Variants in SBNO2 observed in about 807,000 individuals in gnomAD.
SBNO2 encodes the protein protein strawberry notch homolog 2.
Under a neutral mutation model 146.3 loss-of-function variants are expected in SBNO2, and 89 were observed. That is an observed-to-expected ratio of 0.61 (90% CI 0.51 to 0.73). The LOEUF is 0.73. Among genes scored for constraint, SBNO2 ranks in the 30% least tolerant of loss-of-function variants. The probability of loss-of-function intolerance (pLI) is 0.00; values close to 1 mark genes in which losing one functional copy is unlikely to be tolerated. For synonymous variants in SBNO2, 1,147 were observed against 892.6 expected, an observed-to-expected ratio of 1.29 and a Z score of -5.08; for missense variants, 2,092 against 2,003.7, an observed-to-expected ratio of 1.04 and a Z score of -0.84.
At chr19:1,170,232 C>G (rs1427754915) in intron 1 of SBNO2, among the ~76,000 whole-genome samples, 9 of 152,238 alleles carry the variant, frequency 5.9e-5, no homozygotes, top group African/African-American at 2.2e-4. Context: ...TGGCCAGAAC[C>G]CCAGGTTTGC....
chr19:1,139,544 CG>C (rs2080116209), intron 4 of SBNO2, among the ~76,000 whole-genome samples: 2 of 152,114 alleles, frequency 1.3e-5, no homozygotes, highest in South Asian at 4.1e-4. Flanking sequence ...CCTGTAATCC[CG>C]ACACTTTGGG....
Position 1,108,400 on chromosome 19 carries a change from G to C in SBNO2, c.3921C>G (p.Gly1307=). ...QADPAALAHQ[G]CDINFKEVLE... ...GCACCTCCTTGAAGTTGATGTCGCA[G>C]CCCTGGTGCGCGAGGGCCGCAGGGT... Residue 1307 remains glycine (G), a synonymous_variant, in exon 32 of 32, where the codon GGC becomes GGG. Transcript: ENST00000361757. The C allele has an allele frequency of 7.8e-7, 1 of 1,279,552 alleles. No homozygotes were observed. Among genetic ancestry groups the C allele is most frequent in the African/African-American group, 1.6e-5 (1 of 62,006 alleles). 79.3% of individuals were successfully genotyped at this position (1,279,552 alleles called of 1,614,324 possible).
chr19:1,145,304 C>CAAAA (rs34903065), intron 4 of SBNO2, among the ~76,000 whole-genome samples: 1 of 102,808 alleles, frequency 9.7e-6, no homozygotes, highest in Admixed American at 1.0e-4. Context: ...CTGTCTCTAC[C>CAAAA]AAAAAAAAAA....
rs778877664 is a variant in SBNO2 at position 1,122,462 on chromosome 19, C to T, written c.1005+6G>A. 1.8e-5 allele frequency: 29 copies of T among 1,568,670 alleles called. No individual in the cohort carries two copies. The highest frequency in any genetic ancestry group is 2.3e-5 in the Non-Finnish European group (27 of 1,158,986). The stretch of plus-strand genomic sequence containing the variant: ...TGCCCCCTACTTTGCCGAGCACAGC[C>T]CCTACCTTGCTGAGCGCGTGCACCG... On this transcript the variant is annotated splice_donor_region_variant and intron_variant, in intron 10 of 31. Coordinates refer to ENST00000361757, the MANE Select transcript of SBNO2 (RefSeq NM_014963.3).
In SBNO2 at chr19:1,110,038, C is replaced by T. The variant is rs1424784810; in HGVS notation, c.3029-261G>A. ...GGGGGCCGCTCAGGTCCTATGTAAC[C>T]CCGAGCAGGCTGTGGGGGATCGTGG... On this transcript the variant is annotated intron_variant, in intron 26 of 31. Coordinates refer to ENST00000361757, the MANE Select transcript of SBNO2 (RefSeq NM_014963.3). The surrounding 1 kb of genome is among the most constrained non-coding windows in gnomAD (Gnocchi z 4.9). Among the ~76,000 whole-genome samples the T allele has an allele frequency of 6.6e-6, 1 of 151,496 alleles. No homozygotes were observed. The highest frequency in any genetic ancestry group is 1.9e-4 in the East Asian group (1 of 5,162).
At chr19:1,128,238 C>T (rs764869288) in intron 4 of SBNO2, 1 of 496,580 alleles carries the variant, frequency 2.0e-6, no homozygotes, top group Non-Finnish European at 4.0e-6. Flanking sequence ...GGCAGCAATG[C>T]TGCAGGAACT....
rs368588586 is a variant in SBNO2, at chr19:1,110,728, C to A, written c.3028+17G>T. On this transcript the variant is annotated intron_variant, in intron 26 of 31. Coordinates refer to ENST00000361757, the MANE Select transcript of SBNO2 (RefSeq NM_014963.3). This position sits in a 1 kb window ranked among gnomAD's most constrained non-coding sequence, Gnocchi z 4.9. Reference sequence around the variant, plus strand: ...CACCCACACCCACCCACACCACACCCCGGCACCTGTGCTCACCCAGGATGC... The same window carrying A: ...CACCCACACCCACCCACACCACACCACGGCACCTGTGCTCACCCAGGATGC... The A allele has an allele frequency of 3.1e-6, 5 of 1,613,260 alleles. No homozygotes were observed. The highest frequency in any genetic ancestry group is 4.2e-6 in the Non-Finnish European group (5 of 1,179,654).
chr19:1,117,069 C>A, intron 15 of SBNO2, 143 bp from the exon 16 acceptor site: 1 of 838,214 alleles, frequency 1.2e-6, no homozygotes. Flanking sequence ...GGCCCCCCTA[C>A]AACACACACT....
chr19:1,152,618 G>A (rs540642204), intron 2 of SBNO2, among the ~76,000 whole-genome samples: 22 of 152,284 alleles, frequency 1.4e-4, no homozygotes, highest in African/African-American at 2.6e-4. Context: ...GGTCTGGGCC[G>A]CAACAGGGAC....
Position 1,108,931 on chromosome 19 carries a change from C to T in SBNO2, c.3464G>A (p.Cys1155Tyr), listed in dbSNP as rs867464852. The T allele has an allele frequency of 6.4e-7, 1 of 1,568,954 alleles. No homozygotes were observed. Among genetic ancestry groups the T allele is most frequent in the Non-Finnish European group, 8.6e-7 (1 of 1,164,928 alleles). ...HCRLAQEGKDCLQGLRLRHHY... is the reference protein window; with the variant it reads ...HCRLAQEGKDYLQGLRLRHHY... ...GTGCCGCAGCCGCAGCCCCTGCAGG[C>T]AGTCCTTACCCTCCTGCGCCAGCCG... The change falls in exon 31 of 32, where the codon TGC (cysteine) becomes TAC (tyrosine). Residue 1155 changes from cysteine to tyrosine, a missense_variant. Physicochemically the swap from Cys to Tyr is radical, Grantham distance 194 (BLOSUM62 -2). Transcript: ENST00000361757.
intron 4 of SBNO2, among the ~76,000 whole-genome samples, chr19:1,138,875 G>A (rs62131225): frequency 2.2e-5 from 3 of 137,212 alleles, no homozygotes; most frequent in Non-Finnish European, 3.1e-5. Context: ...CCCTCCATGC[G>A]TCCATCACGG....
Position 1,108,002 on chromosome 19 carries a change from C to G in SBNO2, c.*218G>C, listed in dbSNP as rs2079692101. 3 of 369,508 alleles carry G rather than the reference C, an allele frequency of 8.1e-6. No individual in the cohort carries two copies. The Admixed American group carries it at 1.5e-4, about 18-fold the overall frequency. 22.9% of individuals were successfully genotyped at this position (369,508 alleles called of 1,614,324 possible). A position where few individuals can be genotyped will look rare whatever the true frequency, so the allele number is the denominator to read the frequency against. On this transcript the variant is annotated 3_prime_UTR_variant, in exon 32 of 32. Transcript: ENST00000361757. ...GCCCCTTCCTACTTGGGAGGAGAGG[C>G]ACAGAGAGGGCCCTGCCACGCCCCG... is the stretch of plus-strand genomic sequence containing the variant.
intron 4 of SBNO2, among the ~76,000 whole-genome samples, chr19:1,145,962 G>T (rs567014263): frequency 7.9e-5 from 12 of 152,170 alleles, no homozygotes; most frequent in African/African-American, 2.6e-4. Context: ...CCAGGGCCCG[G>T]GAGTCTGAGG....
At chr19:1,159,897 C>G (rs1255722404) in intron 1 of SBNO2, among the ~76,000 whole-genome samples, 2 of 151,928 alleles carry the variant, frequency 1.3e-5, no homozygotes, top group African/African-American at 2.4e-5. Flanking sequence ...GACTTCGCCC[C>G]CCACAGAGCT....
In SBNO2 at chr19:1,112,212, C is replaced by T. The variant is rs767111147; in HGVS notation, c.2605G>A (p.Val869Met). The T allele has an allele frequency of 6.3e-6, 10 of 1,589,266 alleles. No individual in the cohort carries two copies. The highest frequency in any genetic ancestry group is 2.3e-5 in the East Asian group (1 of 43,870). Residue 869 changes from valine to methionine, a missense_variant, in exon 22 of 32, where the codon GTG becomes ATG. By Grantham distance (21) the Val-to-Met change is conservative. Transcript: ENST00000361757. The surrounding 1 kb of genome is among the most constrained non-coding windows in gnomAD (Gnocchi z 5.9). ...LAGERRFASIVAKRLESLGAL... is the reference protein window; with the variant it reads ...LAGERRFASIMAKRLESLGAL... ...ACCAGACTCTCCAGGCGCTTGGCCA[C>T]GATGGAGGCGAACCGGCGCTCCCCG...
intron 4 of SBNO2, among the ~76,000 whole-genome samples, chr19:1,146,171 C>T (rs777755462): frequency 2.0e-5 from 3 of 152,318 alleles, no homozygotes; most frequent in Non-Finnish European, 4.4e-5. Context: ...TTGATCCCTA[C>T]CCAATGACAT....
Position 1,147,442 on chromosome 19 carries a change from G to C in SBNO2, c.168-22C>G, listed in dbSNP as rs754405803. 15 of 1,125,860 alleles carry C rather than the reference G, an allele frequency of 1.3e-5. 1 individual carries two copies. In the Admixed American group the frequency reaches 3.1e-4, roughly 23 times the overall value. The allele number at this position is 1,125,860 out of a possible 1,614,324, so 69.7% of individuals were successfully genotyped here. A position where few individuals can be genotyped will look rare whatever the true frequency, so the allele number is the denominator to read the frequency against. On this transcript the variant is annotated intron_variant, in intron 3 of 31. Coordinates refer to ENST00000361757, the MANE Select transcript of SBNO2 (RefSeq NM_014963.3). ...CGGGCTGGAGGGAGATGGGGGGGGG[G>C]GAGGTGAGATGGGGTGCTCAACCCA...
Position 1,109,734 on chromosome 19 carries a change from C to T in SBNO2, c.3072G>A (p.Gln1024=), listed in dbSNP as rs2079731579. 2 of 1,606,358 alleles carry T rather than the reference C, an allele frequency of 1.2e-6. No individual in the cohort carries two copies. Among genetic ancestry groups the T allele is most frequent in the South Asian group, 1.1e-5 (1 of 90,518 alleles). ...GIEEIYEESQ[Q]VFLAPGHPQD... is the part of the protein sequence containing the mutation. ...GCGGGTGCCCGGGAGCCAGGAACACCTGCTGGCTCTCCTCGTAGATCTCCT... is the reference window on the plus strand; with the variant it reads ...GCGGGTGCCCGGGAGCCAGGAACACTTGCTGGCTCTCCTCGTAGATCTCCT... Residue 1024 remains glutamine (Q), a synonymous_variant, in exon 27 of 32, where the codon CAG becomes CAA. Coordinates refer to ENST00000361757, the MANE Select transcript of SBNO2 (RefSeq NM_014963.3). The surrounding 1 kb of genome is among the most constrained non-coding windows in gnomAD (Gnocchi z 4.2).
intron 1 of SBNO2, among the ~76,000 whole-genome samples, chr19:1,171,040 G>A (rs759117505): frequency 2.0e-5 from 3 of 151,318 alleles, no homozygotes; most frequent in Non-Finnish European, 1.5e-5. Context: ...ACACATAACC[G>A]ACTCATGAAC....
Sources: gnomAD v4.1 joint callset for allele counts (sites outside exome capture counted in the v4.1 genomes callset) on GRCh38, gnomAD v4.1.1 for gene constraint, Gnocchi (gnomAD v3.1) non-coding constraint, MANE v1.5 for transcripts, NCBI Gene and HGNC (gene_info 2026-07-23, HGNC 2026-07-21) for gene names.